The following CPA6 variants were observed in gnomAD, a reference collection of about 807,000 sequenced individuals.
The protein encoded by CPA6 is carboxypeptidase B.
Under a neutral mutation model 63.3 loss-of-function variants are expected in CPA6, and 58 were observed. The ratio of observed to expected loss-of-function variants is 0.92; its 90% CI spans 0.74 to 1.14. The LOEUF (loss-of-function observed/expected upper bound fraction) is 1.14. CPA6 is among the 50% of genes most tolerant of loss of function. CPA6 has a pLI of 0.00. For synonymous variants in CPA6, 185 were observed against 179.0 expected (o/e 1.03, Z -0.27); for missense variants, 565 against 526.6 (o/e 1.07, Z -0.71).
intron 1 of CPA6, chr8:67,735,677 C>CTTTTTTTTTTTTTTTTTT (rs199533677): frequency 6.9e-6 from 1 of 145,190 alleles, no homozygotes; most frequent in Non-Finnish European, 1.5e-5. Context: ...TAGTGGCAGT[C>CTTTTTTTTTTTTTTTTTT]TTTTTTTTTT....
chr8:67,695,890 T>C (rs913306072), intron 1 of CPA6, among the ~76,000 whole-genome samples: 3 of 151,998 alleles, frequency 2.0e-5, no homozygotes, highest in Non-Finnish European at 4.4e-5. Flanking sequence ...ACTAGCAAAA[T>C]ATTTGCTTCC....
In CPA6 at chr8:67,591,955, G is replaced by A. The variant is rs573209828; in HGVS notation, c.192+32221C>T. 1.0e-3 allele frequency among the ~76,000 whole-genome samples: 156 copies of A among 152,244 alleles called. 1 individual carries two copies. Among genetic ancestry groups the A allele is most frequent in the African/African-American group, 3.7e-3 (152 of 41,530 alleles). ...AGGAGTGATGAGAGAGGGCATCCCT[G>A]TCTTGTGCCAGTTTTCAAGGGGAAT... On this transcript the variant is annotated intron_variant, in intron 2 of 10. Transcript: ENST00000297770.
At position 67,710,413 on chromosome 8, in the gene CPA6, AACCCCC is replaced by A. The variant is rs1409072130; in HGVS notation, c.116+35595_116+35600del. Among the ~76,000 whole-genome samples the A allele has an allele frequency of 2.0e-3, 38 of 19,422 alleles. 1 individual carries two copies. The South Asian group carries it at 0.045, about 23-fold the overall frequency. The allele number at this position is 19,422 out of a possible 152,430, so 12.7% of individuals were successfully genotyped here. ...AAATTTCCCGCCCCCACCCCCCCCC[AACCCCC>A]CACCCCGAAAGATGGCTTTGCAGGG... On this transcript the variant is annotated intron_variant, in intron 1 of 10. Transcript: ENST00000297770.
chr8:67,430,740 GT>G (rs1431845256), intron 9 of CPA6, among the ~76,000 whole-genome samples: 1 of 152,114 alleles, frequency 6.6e-6, no homozygotes, highest in Non-Finnish European at 1.5e-5. Context: ...ACTGCAGGGT[GT>G]TTAGCACCAT....
intron 2 of CPA6, among the ~76,000 whole-genome samples, chr8:67,567,798 T>A (rs111914482): frequency 8.9e-4 from 136 of 152,120 alleles, no homozygotes; most frequent in African/African-American, 3.1e-3. Flanking sequence ...CTACAGTGAG[T>A]AAACAGAACC....
At chr8:67,591,606 C>G (rs954658459) in intron 2 of CPA6, among the ~76,000 whole-genome samples, 1 of 152,068 alleles carries the variant, frequency 6.6e-6, no homozygotes, top group African/African-American at 2.4e-5. Context: ...CTTCATGTCC[C>G]TTGTAAGTTG....
intron 6 of CPA6, among the ~76,000 whole-genome samples, chr8:67,497,707 T>A (rs1326635776): frequency 6.6e-6 from 1 of 152,108 alleles, no homozygotes; most frequent in Non-Finnish European, 1.5e-5. Context: ...TTTTTTTTTT[T>A]TTGAAATGGG....
intron 1 of CPA6, among the ~76,000 whole-genome samples, chr8:67,661,401 A>G (rs1816105698): frequency 6.6e-6 from 1 of 152,144 alleles, no homozygotes; most frequent in South Asian, 2.1e-4. Flanking sequence ...TGTGGCTTTA[A>G]TCCAAGGGAC....
intron 1 of CPA6, among the ~76,000 whole-genome samples, chr8:67,722,642 A>G (rs1817523407): frequency 6.6e-6 from 1 of 152,158 alleles, no homozygotes; most frequent in South Asian, 2.1e-4. Flanking sequence ...CTTTAACCAG[A>G]GCTTACAAAC....
intron 1 of CPA6, among the ~76,000 whole-genome samples, chr8:67,660,181 T>C (rs1816075584): frequency 1.3e-5 from 2 of 152,154 alleles, no homozygotes; most frequent in South Asian, 4.1e-4. Context: ...TCTGATTCAC[T>C]ATGGCAGCAT....
chr8:67,690,484 TC>T (rs1299821991), intron 1 of CPA6, among the ~76,000 whole-genome samples: 2 of 152,200 alleles, frequency 1.3e-5, no homozygotes, highest in Non-Finnish European at 2.9e-5. Flanking sequence ...AGTCACACAT[TC>T]AAATCAGCAC....
rs559082960 is a variant in CPA6 at position 67,600,419 on chromosome 8, A to C, written c.192+23757T>G. Among the ~76,000 whole-genome samples, 55 of 152,132 alleles carry C rather than the reference A, an allele frequency of 3.6e-4. 1 individual carries two copies. The highest frequency in any genetic ancestry group is 6.5e-4 in the Non-Finnish European group (44 of 68,014). ...AAAAGATACAAAATTTAGTTAGGAG[A>C]AATAGTTCAAAAGATCTATTGTACA... On this transcript the variant is annotated intron_variant, in intron 2 of 10. Coordinates refer to ENST00000297770, the MANE Select transcript of CPA6 (RefSeq NM_020361.5).
chr8:67,597,313 C>T (rs1227810484), intron 2 of CPA6, among the ~76,000 whole-genome samples: 2 of 151,872 alleles, frequency 1.3e-5, no homozygotes, highest in African/African-American at 4.8e-5. Flanking sequence ...ATTCTCCTGC[C>T]TCAGCCTCCC....
intron 6 of CPA6, among the ~76,000 whole-genome samples, chr8:67,501,863 G>A (rs1811835903): frequency 6.6e-6 from 1 of 151,988 alleles, no homozygotes; most frequent in African/African-American, 2.4e-5. Context: ...AAAGCTTCTG[G>A]GCCTTGAAAT....
intron 2 of CPA6, among the ~76,000 whole-genome samples, chr8:67,529,812 ACC>A (rs1177180319): frequency 6.6e-6 from 1 of 152,186 alleles, no homozygotes; most frequent in East Asian, 1.9e-4. Flanking sequence ...ATCCAATCAT[ACC>A]CCAAGAAGTC....
At chr8:67,536,593 T>G (rs895816575) in intron 2 of CPA6, among the ~76,000 whole-genome samples, 8 of 152,210 alleles carry the variant, frequency 5.3e-5, no homozygotes, top group African/African-American at 1.9e-4. Context: ...AAGGAGTTTT[T>G]GGGCTGAGAC....
intron 2 of CPA6, among the ~76,000 whole-genome samples, chr8:67,614,558 C>T (rs1366188426): frequency 1.3e-5 from 2 of 152,126 alleles, no homozygotes; most frequent in African/African-American, 4.8e-5. Context: ...TGGTGCAGAC[C>T]AGAGCAGGCG....
Position 67,434,210 on chromosome 8 carries a change from T to G in CPA6, c.869A>C (p.Asp290Ala). ...TTCTGGAAAAGGGCCACAGTATGTG[T>G]CATCACAAGGGTGCATAGAAGCTCC... ...DEGASMHPCD[D>A]TYCGPFPESE... Residue 290 changes from aspartate to alanine, a missense_variant, in exon 9 of 11, where the codon GAC becomes GCC. Physicochemically the swap from Asp to Ala is moderately radical, Grantham distance 126 (BLOSUM62 -2). Transcript: ENST00000297770. 1 of 1,614,092 alleles carries G rather than the reference T, an allele frequency of 6.2e-7. No individual in the cohort carries two copies. The highest frequency in any genetic ancestry group is 8.5e-7 in the Non-Finnish European group (1 of 1,180,010).
intron 2 of CPA6, among the ~76,000 whole-genome samples, chr8:67,563,857 T>C (rs1476778989): frequency 6.6e-6 from 1 of 152,202 alleles, no homozygotes; most frequent in East Asian, 1.9e-4. Flanking sequence ...CAGTTAGAAT[T>C]ATTTATCCAC....
Sources: gnomAD v4.1 joint callset for allele counts (sites outside exome capture counted in the v4.1 genomes callset) on GRCh38, gnomAD v4.1.1 for gene constraint, MANE v1.5 for transcripts, NCBI Gene and HGNC (gene_info 2026-07-23, HGNC 2026-07-21) for gene names.